OTUB1: variants seen among roughly 807,000 people sequenced by gnomAD.
The protein encoded by OTUB1 is ubiquitin thioesterase OTUB1.
A neutral mutation model predicts 35.8 loss-of-function variants in OTUB1; 10 were observed. The observed-to-expected ratio is 0.28, with a 90% confidence interval of 0.17 to 0.47. The LOEUF is 0.47. Ranked by LOEUF, OTUB1 falls within the 20% of genes least tolerant of loss-of-function variation. The pLI, the probability that OTUB1 is intolerant of heterozygous loss-of-function variation, is 0.99. For missense variants in OTUB1, 264 were observed against 351.6 expected (o/e 0.75, Z 1.99); for synonymous variants, 158 against 143.8 (o/e 1.10, Z -0.71).
At position 63,996,934 on chromosome 11, in the gene OTUB1, A is replaced by G; in HGVS notation, c.416A>G (p.His139Arg). The G allele has an allele frequency of 6.2e-7, 1 of 1,614,054 alleles. No individual in the cohort carries two copies. Among genetic ancestry groups the G allele is most frequent in the Non-Finnish European group, 8.5e-7 (1 of 1,179,958 alleles). Residue 139 changes from histidine to arginine, a missense_variant, in exon 5 of 7, where the codon CAC (histidine) becomes CGC (arginine). By Grantham distance (29) the His-to-Arg change is conservative. Around this residue, in one of 2 missense-constraint regions of OTUB1, gnomAD observed 214 missense variants for 317.1 expected, o/e 0.67. Transcript: ENST00000538426. ...ACTGAATTCACAATTGAGGATTTCC[A>G]CAACACGGTGAGCCCTGGTGCCTGT... is the stretch of plus-strand genomic sequence containing the variant. ...GFTEFTIEDF[H>R]NTFMDLIEQV...
intron 3 of OTUB1, among the ~76,000 whole-genome samples, chr11:63,991,017 G>A (rs2134307237): frequency 6.6e-6 from 1 of 152,320 alleles, no homozygotes; most frequent in Middle Eastern, 3.4e-3. Context: ...TGTGAGATCT[G>A]TGCACTGTGA....
chr11:63,988,901 T>C (rs1590778066), intron 3 of OTUB1, 149 bp downstream of exon 3: 1 of 603,094 alleles, frequency 1.7e-6, no homozygotes, highest in Non-Finnish European at 3.0e-6. Flanking sequence ...GTGCGTAGGC[T>C]GAGGCCTCAA....
chr11:63,986,613 G>A (rs1270606259), intron 1 of OTUB1, 99 bp downstream of exon 1: 17 of 1,082,242 alleles, frequency 1.6e-5, no homozygotes, highest in Non-Finnish European at 2.2e-5. Context: ...CTGGCTCTGG[G>A]GTCGAGGTGC....
At position 63,986,479 on chromosome 11, in the gene OTUB1, A is replaced by T; in HGVS notation, c.23A>T (p.Gln8Leu). Residue 8 changes from glutamine (Q) to leucine (L), a missense_variant, in exon 1 of 7, where the codon CAG becomes CTG. By Grantham distance (113) the Gln-to-Leu change is moderately radical (BLOSUM62 -2). Transcript: ENST00000538426. MAAEEPQ[Q>L]QKQEPLGSDS... ...AAGATGGCGGCGGAGGAACCTCAGC[A>T]GCAGAAGCAGGAGCCGCTGGGCAGC... 2 of 1,554,770 alleles carry T rather than the reference A, an allele frequency of 1.3e-6. No individual in the cohort carries two copies. The highest frequency in any genetic ancestry group is 1.7e-6 in the Non-Finnish European group (2 of 1,149,524).
At chr11:63,993,691 T>C (rs11822339) in intron 3 of OTUB1, among the ~76,000 whole-genome samples, 3,965 of 150,556 alleles carry the variant, frequency 0.026, 153 homozygotes, top group African/African-American at 0.083. Flanking sequence ...TGCTTGAGAC[T>C]GATGTCGTCA....
At chr11:63,996,122 C>T (rs566116806) in intron 3 of OTUB1, among the ~76,000 whole-genome samples, 1 of 152,214 alleles carries the variant, frequency 6.6e-6, no homozygotes, top group East Asian at 1.9e-4. Context: ...CTGGGCTGTG[C>T]AGAGGGCCCC....
At chr11:63,991,340 C>T (rs147243606) in intron 3 of OTUB1, among the ~76,000 whole-genome samples, 8 of 152,296 alleles carry the variant, frequency 5.3e-5, no homozygotes, top group Non-Finnish European at 1.2e-4. Context: ...ATGTCAGTGT[C>T]CTCCAGTGGG....
At chr11:63,994,957 T>G (rs1942703563) in intron 3 of OTUB1, among the ~76,000 whole-genome samples, 1 of 152,134 alleles carries the variant, frequency 6.6e-6, no homozygotes, top group Non-Finnish European at 1.5e-5. Flanking sequence ...TTTAAAGAAG[T>G]AGCTGAATGT....
At chr11:63,995,746 G>A (rs2134310562) in intron 3 of OTUB1, among the ~76,000 whole-genome samples, 1 of 152,142 alleles carries the variant, frequency 6.6e-6, no homozygotes, top group South Asian at 2.1e-4. Flanking sequence ...AGGCAGATGT[G>A]CTGGTGGGGG....
At chr11:63,994,147 A>G (rs1250046261) in intron 3 of OTUB1, among the ~76,000 whole-genome samples, 1 of 152,030 alleles carries the variant, frequency 6.6e-6, no homozygotes, top group Admixed American at 6.6e-5. Context: ...AAAAAAGAAA[A>G]GTGGAAGCTG....
At chr11:63,992,363 G>T (rs1942680166) in intron 3 of OTUB1, among the ~76,000 whole-genome samples, 1 of 151,706 alleles carries the variant, frequency 6.6e-6, no homozygotes, top group Non-Finnish European at 1.5e-5. Flanking sequence ...TGCCCACCCA[G>T]GCCCGAGGCG....
intron 1 of OTUB1, chr11:63,987,087 A>G (rs1031307990): frequency 1.3e-5 from 2 of 152,636 alleles, no homozygotes; most frequent in African/African-American, 4.8e-5. Flanking sequence ...CTGCCTAGAC[A>G]TTGTTAGTCT....
chr11:63,995,405 ATGC>A (rs1301902629), intron 3 of OTUB1, among the ~76,000 whole-genome samples: 1 of 152,152 alleles, frequency 6.6e-6, no homozygotes, highest in Admixed American at 6.6e-5. Context: ...CATGTTGGTC[ATGC>A]TGGTCTCGAA....
chr11:63,994,020 T>C (rs951037460), intron 3 of OTUB1, among the ~76,000 whole-genome samples: 1 of 151,938 alleles, frequency 6.6e-6, no homozygotes, highest in Non-Finnish European at 1.5e-5. Context: ...CCAGCTACTC[T>C]GAAATCTGAG....
chr11:63,992,575 C>G (rs1942682773), intron 3 of OTUB1, among the ~76,000 whole-genome samples: 1 of 152,076 alleles, frequency 6.6e-6, no homozygotes, highest in African/African-American at 2.4e-5. Flanking sequence ...GAGTGTTGCC[C>G]TGTCACCCAG....
chr11:63,991,540 G>C (rs1325888210), intron 3 of OTUB1, among the ~76,000 whole-genome samples: 1 of 152,182 alleles, frequency 6.6e-6, no homozygotes, highest in African/African-American at 2.4e-5. Context: ...TTTTCTCCCT[G>C]GGCAGAGACA....
rs565600303 is a variant in OTUB1 at position 63,991,958 on chromosome 11, C to T, written c.219+3206C>T. ...CGGGGCCGGGCGTGGTGGCTCACGC[C>T]TGTAATCCCAGCACACTGGGAGGCT... On this transcript the variant is annotated intron_variant, in intron 3 of 6. Coordinates refer to ENST00000538426, the MANE Select transcript of OTUB1 (RefSeq NM_017670.3). 4.1e-3 allele frequency among the ~76,000 whole-genome samples: 625 copies of T among 152,220 alleles called. 1 individual carries two copies. Among genetic ancestry groups the T allele is most frequent in the Non-Finnish European group, 6.5e-3 (439 of 67,988 alleles).
intron 1 of OTUB1, among the ~76,000 whole-genome samples, chr11:63,987,916 C>G (rs1045113354): frequency 6.6e-6 from 1 of 152,112 alleles, no homozygotes; most frequent in African/African-American, 2.4e-5. Flanking sequence ...CTTAGGGATA[C>G]CACGGTGCAC....
At position 63,998,310 on chromosome 11, in the gene OTUB1, C is replaced by A; in HGVS notation, c.*764C>A. 5.8e-6 allele frequency: 1 copy of A among 172,956 alleles called. No individual in the cohort carries two copies. 10.7% of individuals were successfully genotyped at this position (172,956 alleles called of 1,614,324 possible). ...GTCTCTGCATTGCCTGCCTTTTTGCCTTCACCTCTTTTCTTCCCCGCCCCC... is the reference window on the plus strand; with the variant it reads ...GTCTCTGCATTGCCTGCCTTTTTGCATTCACCTCTTTTCTTCCCCGCCCCC... On this transcript the variant is annotated 3_prime_UTR_variant, in exon 7 of 7. Coordinates refer to ENST00000538426, the MANE Select transcript of OTUB1 (RefSeq NM_017670.3).
Sources: allele counts gnomAD v4.1 joint callset (sites outside exome capture counted in the v4.1 genomes callset), GRCh38; gene constraint gnomAD v4.1.1; regional missense constraint gnomAD v4.1.1; transcripts MANE v1.5; gene names NCBI Gene and HGNC (gene_info 2026-07-23, HGNC 2026-07-21).